RASEF: variants seen among roughly 807,000 people sequenced by gnomAD.
The protein encoded by RASEF is RAS and EF-hand domain containing, also known as ras and EF-hand domain-containing protein.
Under a neutral mutation model 90.1 loss-of-function variants are expected in RASEF, and 68 were observed. The observed-to-expected ratio is 0.75, with a 90% CI of 0.62 to 0.92. RASEF has a LOEUF of 0.92. Ranked by LOEUF, RASEF falls within the 40% of genes least tolerant of loss-of-function variation. RASEF has a pLI of 0.00. For synonymous variants in RASEF, 331 were observed against 345.2 expected (o/e 0.96, Z 0.46); for missense variants, 949 against 937.2 (o/e 1.01, Z -0.16).
chr9:83,153,234 T>G, the RASEF span, among the ~76,000 whole-genome samples: 1 of 152,156 alleles, frequency 6.6e-6, no homozygotes, highest in South Asian at 2.1e-4. Context: ...ATTCATATTT[T>G]CTCTTTCTCT....
At chr9:83,131,276 A>G in the RASEF span, among the ~76,000 whole-genome samples, 1 of 152,232 alleles carries the variant, frequency 6.6e-6, no homozygotes, top group African/African-American at 2.4e-5. Flanking sequence ...AAATGCCAAT[A>G]ACAGAGAAAA....
chr9:83,018,747 A>G (rs757446886), intron 3 of RASEF, among the ~76,000 whole-genome samples: 41 of 152,130 alleles, frequency 2.7e-4, no homozygotes, highest in Non-Finnish European at 4.4e-4. Flanking sequence ...AGACTTATAA[A>G]CCAACAGGTA....
rs375573881 is a variant in RASEF at position 82,988,854 on chromosome 9, C to T, written c.2117+1537G>A. Among the ~76,000 whole-genome samples the T allele has an allele frequency of 3.9e-5, 6 of 152,246 alleles. No homozygotes were observed. The South Asian group carries it at 6.2e-4, about 16-fold the overall frequency. ...TTATAAATTGCAGTCTCGGGTATTC[C>T]TTTATAGAGATGCACAAAACAGCCT... On this transcript the variant is annotated intron_variant, in intron 16 of 16. Coordinates refer to ENST00000376447, the MANE Select transcript of RASEF (RefSeq NM_152573.4).
At chr9:83,093,680 C>T in the RASEF span, among the ~76,000 whole-genome samples, 3 of 152,316 alleles carry the variant, frequency 2.0e-5, no homozygotes, top group Admixed American at 6.5e-5. Context: ...TTCCCGCTCG[C>T]GCCTCTCCCT....
At chr9:83,007,099 A>AC (rs1829148702) in intron 7 of RASEF, among the ~76,000 whole-genome samples, 1 of 151,368 alleles carries the variant, frequency 6.6e-6, no homozygotes. Flanking sequence ...GTCTCAAAAA[A>AC]AAAAAAAAAA....
At chr9:83,206,767 C>A in the RASEF span, among the ~76,000 whole-genome samples, 12 of 152,296 alleles carry the variant, frequency 7.9e-5, no homozygotes, top group Non-Finnish European at 2.9e-5. Flanking sequence ...CAACAAATTG[C>A]TGCTCATGAG....
In RASEF at chr9:83,003,298, G is replaced by A. The variant is rs75629152; in HGVS notation, c.1202+1200C>T. ...TTACAGCTCAAGGAGGTAGGCACATGAGTGCTACGTCACTCAAACATGCTG... is the reference window on the plus strand; with the variant it reads ...TTACAGCTCAAGGAGGTAGGCACATAAGTGCTACGTCACTCAAACATGCTG... On this transcript the variant is annotated intron_variant, in intron 9 of 16. Coordinates refer to ENST00000376447, the MANE Select transcript of RASEF (RefSeq NM_152573.4). Among the ~76,000 whole-genome samples the A allele has an allele frequency of 5.0e-3, 756 of 152,294 alleles. 5 individuals carry two copies. The highest frequency in any genetic ancestry group is 0.018 in the African/African-American group (732 of 41,562).
chr9:83,218,375 C>A, the RASEF span, among the ~76,000 whole-genome samples: 2 of 152,120 alleles, frequency 1.3e-5, no homozygotes, highest in Non-Finnish European at 2.9e-5. Flanking sequence ...AGCATATCAA[C>A]CAGTTTTCTG....
intron 1 of RASEF, among the ~76,000 whole-genome samples, chr9:83,032,581 T>A (rs1829667225): frequency 6.6e-6 from 1 of 152,228 alleles, no homozygotes; most frequent in Non-Finnish European, 1.5e-5. Flanking sequence ...AAATGTACCT[T>A]GAATTATCAA....
At chr9:83,113,591 G>A in the RASEF span, among the ~76,000 whole-genome samples, 1 of 152,178 alleles carries the variant, frequency 6.6e-6, no homozygotes, top group Admixed American at 6.5e-5. Context: ...TCCCAGCAAG[G>A]AATAACCCTG....
rs754663384 is a variant in RASEF at position 83,001,048 on chromosome 9, C to G, written c.1285G>C (p.Asp429His). 2.5e-6 allele frequency: 4 copies of G among 1,613,992 alleles called. No individual in the cohort carries two copies. The highest frequency in any genetic ancestry group is 2.5e-6 in the Non-Finnish European group (3 of 1,180,022). ...TCGAAGCAGCTTTCAGGCAGGCTGT[C>G]AACTTCACAATTTGTCCTCTGCAGA... ...DPLQRTNCEV[D>H]SLPESCFDSG... Residue 429 changes from aspartate to histidine, a missense_variant, in exon 10 of 17, where the codon GAC (aspartate) becomes CAC (histidine). By Grantham distance (81) the Asp-to-His change is moderately conservative. This residue lies in a region of RASEF where 656 missense variants were observed against 592.2 expected (regional missense o/e 1.11). Coordinates refer to ENST00000376447, the MANE Select transcript of RASEF (RefSeq NM_152573.4).
At chr9:83,096,628 T>TG in the RASEF span, among the ~76,000 whole-genome samples, 20 of 148,424 alleles carry the variant, frequency 1.3e-4, no homozygotes, top group East Asian at 5.9e-4. Flanking sequence ...ACTTGTTTTC[T>TG]TTTTTTTTTT....
chr9:83,139,084 C>G, the RASEF span, among the ~76,000 whole-genome samples: 2 of 152,118 alleles, frequency 1.3e-5, no homozygotes, highest in African/African-American at 2.4e-5. Flanking sequence ...GAATGGCAAT[C>G]AGAACAAGAA....
the RASEF span, among the ~76,000 whole-genome samples, chr9:83,100,474 C>A: frequency 6.6e-6 from 1 of 152,156 alleles, no homozygotes; most frequent in African/African-American, 2.4e-5. Context: ...TGTTCTCAGC[C>A]AGAAATACTC....
chr9:83,036,724 T>G (rs537208882), intron 1 of RASEF, among the ~76,000 whole-genome samples: 1 of 152,128 alleles, frequency 6.6e-6, no homozygotes, highest in Non-Finnish European at 1.5e-5. Context: ...AAAGGGACTT[T>G]AGGGAAAAAC....
At chr9:83,156,300 C>A in the RASEF span, among the ~76,000 whole-genome samples, 2 of 152,150 alleles carry the variant, frequency 1.3e-5, no homozygotes, top group East Asian at 3.9e-4. Flanking sequence ...TGTGAAAGCT[C>A]CTAGCAGATA....
the RASEF span, among the ~76,000 whole-genome samples, chr9:83,146,599 TC>T: frequency 6.6e-6 from 1 of 152,200 alleles, no homozygotes; most frequent in African/African-American, 2.4e-5. Context: ...AGTTGAAAAC[TC>T]TTATCGAATA....
chr9:83,073,218 ATAGGTGCCTGGAAATT>A, the RASEF span, among the ~76,000 whole-genome samples: 1 of 152,118 alleles, frequency 6.6e-6, no homozygotes, highest in Admixed American at 6.6e-5. Flanking sequence ...TCAGAGAGCC[ATAGGTGCCTGGAAATT>A]TATATCCCCT....
the RASEF span, among the ~76,000 whole-genome samples, chr9:83,070,672 CATTCTGTAGAT>C: frequency 4.6e-5 from 7 of 152,102 alleles, no homozygotes; most frequent in African/African-American, 1.7e-4. Context: ...CACAAAAATA[CATTCTGTAGAT>C]ATCATGATTG....
Sources: allele counts gnomAD v4.1 joint callset (sites outside exome capture counted in the v4.1 genomes callset), GRCh38; gene constraint gnomAD v4.1.1; regional missense constraint gnomAD v4.1.1; transcripts MANE v1.5; gene names NCBI Gene and HGNC (gene_info 2026-07-23, HGNC 2026-07-21).